The following MYT1L variants were observed in gnomAD, a reference collection of about 807,000 sequenced individuals.
MYT1L encodes myelin transcription factor 1-like protein.
In MYT1L, 12 loss-of-function variants were observed where a neutral mutation model predicts 126.7. The observed-to-expected ratio is 0.09, with a 90% CI of 0.06 to 0.15. The LOEUF (loss-of-function observed/expected upper bound fraction) is 0.15. Ranked by LOEUF, MYT1L falls within the 10% of genes least tolerant of loss-of-function variation. The probability of loss-of-function intolerance (pLI) is 1.00; values close to 1 mark genes in which losing one functional copy is unlikely to be tolerated. For synonymous variants in MYT1L, 541 were observed against 604.2 expected (o/e 0.90, Z 1.53); for missense variants, 979 against 1,585.2 (o/e 0.62, Z 6.49).
At chr2:2,099,894 C>T (rs1472253903) in intron 3 of MYT1L, among the ~76,000 whole-genome samples, 1 of 152,166 alleles carries the variant, frequency 6.6e-6, no homozygotes, top group East Asian at 1.9e-4. Context: ...GGAGGCTTGC[C>T]AATTATTAAC....
At chr2:2,185,452 T>TTCCGGG (rs1402828889) in intron 2 of MYT1L, among the ~76,000 whole-genome samples, 62 of 150,924 alleles carry the variant, frequency 4.1e-4, no homozygotes, top group African/African-American at 1.2e-3. Flanking sequence ...CAGCCGGGCC[T>TTCCGGG]CCTCGAGTCC....
At chr2:2,207,601 A>T (rs2093363588) in intron 2 of MYT1L, among the ~76,000 whole-genome samples, 1 of 152,198 alleles carries the variant, frequency 6.6e-6, no homozygotes, top group African/African-American at 2.4e-5. Flanking sequence ...GTTCACCACT[A>T]AGCCTGGAAC....
chr2:2,239,957 T>G (rs1294868493), intron 2 of MYT1L, among the ~76,000 whole-genome samples: 2 of 152,182 alleles, frequency 1.3e-5, no homozygotes, highest in African/African-American at 4.8e-5. Flanking sequence ...TCATCCATTC[T>G]TTTTCCTCCT....
At chr2:2,280,680 G>T (rs1351983139) in intron 2 of MYT1L, among the ~76,000 whole-genome samples, 4 of 152,182 alleles carry the variant, frequency 2.6e-5, no homozygotes, top group African/African-American at 2.4e-5. Flanking sequence ...AGCAGTCTGT[G>T]CAGGGTGGCC....
At chr2:1,927,026 T>C (rs916081393) in intron 9 of MYT1L, among the ~76,000 whole-genome samples, 6 of 152,244 alleles carry the variant, frequency 3.9e-5, no homozygotes, top group Non-Finnish European at 8.8e-5. Context: ...TTTGGTTTTC[T>C]ATTTTAAATC....
At chr2:2,098,356 T>G (rs2077681686) in intron 3 of MYT1L, among the ~76,000 whole-genome samples, 1 of 152,216 alleles carries the variant, frequency 6.6e-6, no homozygotes, top group Non-Finnish European at 1.5e-5. Flanking sequence ...CATGTGGAGA[T>G]TAAACCCAAG....
chr2:2,123,528 A>C (rs528725760), intron 3 of MYT1L, among the ~76,000 whole-genome samples: 1 of 152,202 alleles, frequency 6.6e-6, no homozygotes, highest in East Asian at 1.9e-4. Flanking sequence ...AGTTCTCGCA[A>C]GACCTGGTTG....
intron 18 of MYT1L, among the ~76,000 whole-genome samples, chr2:1,853,855 G>A (rs2043581579): frequency 6.6e-6 from 1 of 152,158 alleles, no homozygotes; most frequent in Admixed American, 6.5e-5. Context: ...ATAATTCAGT[G>A]AAAATCATAT....
intron 1 of MYT1L, among the ~76,000 whole-genome samples, chr2:2,286,962 GACACACACAC>G (rs1304691259): frequency 3.3e-5 from 5 of 152,032 alleles, no homozygotes; most frequent in African/African-American, 1.2e-4. Flanking sequence ...GATACACACA[GACACACACAC>G]AGACAAACAC....
intron 9 of MYT1L, among the ~76,000 whole-genome samples, chr2:1,927,931 C>G (rs202199668): frequency 1.8e-4 from 9 of 49,152 alleles, no homozygotes; most frequent in Admixed American, 2.9e-4. Flanking sequence ...GAAAAAAAAC[C>G]AAACCACATA....
intron 2 of MYT1L, among the ~76,000 whole-genome samples, chr2:2,201,939 T>A (rs545963179): frequency 6.6e-6 from 1 of 152,246 alleles, no homozygotes; most frequent in African/African-American, 2.4e-5. Flanking sequence ...TTACTATAAA[T>A]GAAGTATAGA....
chr2:1,824,106 A>T lies in MYT1L; in HGVS notation c.3081-14939T>A, dbSNP rs532270022. 6.8e-4 allele frequency among the ~76,000 whole-genome samples: 103 copies of T among 152,296 alleles called. 1 individual carries two copies. The highest frequency in any genetic ancestry group is 3.4e-3 in the Middle Eastern group (1 of 294). On this transcript the variant is annotated intron_variant, in intron 21 of 24. Coordinates refer to ENST00000647738, the MANE Select transcript of MYT1L (RefSeq NM_001303052.2). ...GGGTTGGGGAACGTTTTTAGTTTGG[A>T]TTCTAAACAGAGAGTGATTCTTGCT...
chr2:2,144,457 T>C (rs947344665), intron 3 of MYT1L, among the ~76,000 whole-genome samples: 1 of 152,232 alleles, frequency 6.6e-6, no homozygotes, highest in Non-Finnish European at 1.5e-5. Flanking sequence ...CACAGTAACT[T>C]ATTGTTCCTT....
intron 3 of MYT1L, among the ~76,000 whole-genome samples, chr2:2,163,739 G>GA (rs767761122): frequency 3.8e-3 from 451 of 117,836 alleles, no homozygotes; most frequent in East Asian, 0.016. Flanking sequence ...CTCCGTCTCA[G>GA]AAAAAAAAAA....
At chr2:1,831,940 C>G (rs1314485063) in intron 21 of MYT1L, among the ~76,000 whole-genome samples, 1 of 152,144 alleles carries the variant, frequency 6.6e-6, no homozygotes, top group Non-Finnish European at 1.5e-5. Context: ...TCTCCTCAGA[C>G]ACTTCCCGAG....
intron 2 of MYT1L, among the ~76,000 whole-genome samples, chr2:2,279,777 A>C (rs1284807271): frequency 6.6e-6 from 1 of 152,326 alleles, no homozygotes; most frequent in South Asian, 2.1e-4. Flanking sequence ...AAGGGTTTTT[A>C]ATGTATACCC....
intron 5 of MYT1L, among the ~76,000 whole-genome samples, chr2:1,989,762 C>A (rs1017354733): frequency 6.6e-6 from 1 of 152,036 alleles, no homozygotes; most frequent in African/African-American, 2.4e-5. Flanking sequence ...TTTGGGAGGC[C>A]AAGGTAGGTG....
chr2:2,238,310 A>T (rs1231793893), intron 2 of MYT1L, among the ~76,000 whole-genome samples: 1 of 152,122 alleles, frequency 6.6e-6, no homozygotes, highest in Non-Finnish European at 1.5e-5. Context: ...CAACTCTTTA[A>T]TCTAGAAAAT....
At chr2:2,275,484 G>A (rs1410829116) in intron 2 of MYT1L, among the ~76,000 whole-genome samples, 2 of 152,008 alleles carry the variant, frequency 1.3e-5, no homozygotes, top group Non-Finnish European at 2.9e-5. Context: ...CCCCCAGTTG[G>A]GCGATTTGGA....
Sources: gnomAD v4.1 joint callset for allele counts (sites outside exome capture counted in the v4.1 genomes callset) on GRCh38, gnomAD v4.1.1 for gene constraint, MANE v1.5 for transcripts, NCBI Gene and HGNC (gene_info 2026-07-23, HGNC 2026-07-21) for gene names.